Variants in DLGAP2 observed in about 807,000 individuals in gnomAD.
DLGAP2 encodes disks large-associated protein 2.
Under a neutral mutation model 100.3 loss-of-function variants are expected in DLGAP2, and 26 were observed. That is an observed-to-expected ratio of 0.26 (90% CI 0.19 to 0.36). DLGAP2 has a LOEUF of 0.36. Ranked by LOEUF, DLGAP2 falls within the 10% of genes least tolerant of loss-of-function variation. The pLI is 1.00. For synonymous variants in DLGAP2, 886 were observed against 630.1 expected (o/e 1.41, Z -6.08); for missense variants, 1,858 against 1,453.2 (o/e 1.28, Z -4.53).
intron 3 of DLGAP2, among the ~76,000 whole-genome samples, chr8:1,361,263 G>C (rs559857022): frequency 8.5e-5 from 13 of 152,314 alleles, no homozygotes; most frequent in African/African-American, 2.9e-4. Context: ...CAGAGATCCT[G>C]CTTCTCCAGT....
chr8:1,349,271 C>T (rs2012739), intron 3 of DLGAP2, among the ~76,000 whole-genome samples: 91,647 of 146,560 alleles, frequency 0.63, 29,391 homozygotes, highest in East Asian at 0.92. Context: ...GGCACTATCA[C>T]GAGCCTCCCG....
At chr8:922,852 A>G (rs1230086250) in intron 2 of DLGAP2, among the ~76,000 whole-genome samples, 1 of 152,212 alleles carries the variant, frequency 6.6e-6, no homozygotes, top group Middle Eastern at 3.2e-3. Context: ...GTTGGGGTTA[A>G]TGTGCAGGCA....
intron 8 of DLGAP2, among the ~76,000 whole-genome samples, chr8:1,659,635 G>T (rs1798364770): frequency 6.6e-6 from 1 of 152,106 alleles, no homozygotes; most frequent in Non-Finnish European, 1.5e-5. Flanking sequence ...TTGGCTTAAA[G>T]TCTGTTTTAT....
At chr8:1,683,856 A>ATATATGTGTG (rs1467438870) in intron 12 of DLGAP2, among the ~76,000 whole-genome samples, 12 of 62,228 alleles carry the variant, frequency 1.9e-4, no homozygotes, top group Non-Finnish European at 2.7e-4. Context: ...ATATATATAT[A>ATATATGTGTG]TGTGTGTGTG....
At chr8:1,514,527 G>T (rs1476991161) in intron 4 of DLGAP2, among the ~76,000 whole-genome samples, 3 of 152,260 alleles carry the variant, frequency 2.0e-5, no homozygotes, top group Non-Finnish European at 4.4e-5. Context: ...TAATATTTCA[G>T]TAAGAGCTAC....
rs138114735 is a variant in DLGAP2 at position 770,949 on chromosome 8, G to A, written c.18+33124G>A. ...CTTTTCTGTAGGGCAGGTTGATGTG[G>A]TCTTCTTAGTGTAAACAGGGGTCTT... On this transcript the variant is annotated intron_variant, in intron 1 of 14. Coordinates refer to ENST00000637795, the MANE Select transcript of DLGAP2 (RefSeq NM_001346810.2). Among the ~76,000 whole-genome samples the A allele has an allele frequency of 5.6e-3, 852 of 151,924 alleles. 14 individuals carry two copies. The highest frequency in any genetic ancestry group is 0.02 in the African/African-American group (818 of 41,388).
chr8:1,498,928 A>G (rs1431282379), intron 3 of DLGAP2, among the ~76,000 whole-genome samples: 1 of 152,178 alleles, frequency 6.6e-6, no homozygotes. Flanking sequence ...GCACTCGGAA[A>G]CCTTCCATGC....
At chr8:1,381,097 G>C (rs188782388) in intron 3 of DLGAP2, 2 of 151,966 alleles carry the variant, frequency 1.3e-5, no homozygotes, top group Admixed American at 6.6e-5. Context: ...TAAAGGTCAC[G>C]GCGCATGGTG....
At chr8:782,304 G>A (rs1821713420) in intron 1 of DLGAP2, among the ~76,000 whole-genome samples, 1 of 151,556 alleles carries the variant, frequency 6.6e-6, no homozygotes, top group Non-Finnish European at 1.5e-5. Flanking sequence ...TCTAATAACT[G>A]GTAGTATCTT....
chr8:1,433,177 G>T (rs75977613), intron 3 of DLGAP2, among the ~76,000 whole-genome samples: 1 of 152,184 alleles, frequency 6.6e-6, no homozygotes, highest in Non-Finnish European at 1.5e-5. Context: ...AGGAACGTGC[G>T]GGACTTGGGT....
In DLGAP2 at chr8:1,011,255, A is replaced by G. The variant is rs1375587905; in HGVS notation, c.73+103289A>G. 3.0e-3 allele frequency among the ~76,000 whole-genome samples: 280 copies of G among 93,842 alleles called. No individual in the cohort carries two copies. In the Middle Eastern group the frequency reaches 0.033, roughly 11 times the overall value. The allele number at this position is 93,842 out of a possible 152,430, so 61.6% of individuals were successfully genotyped here. ...GGTCTCAGTCTACACAGTGAGCCCTAGAATGAGGAGTCTCAGTCTACACAG... is the reference window on the plus strand; with the variant it reads ...GGTCTCAGTCTACACAGTGAGCCCTGGAATGAGGAGTCTCAGTCTACACAG... On this transcript the variant is annotated intron_variant, in intron 2 of 14. Transcript: ENST00000637795.
At chr8:1,313,068 A>T (rs1230278399) in intron 3 of DLGAP2, among the ~76,000 whole-genome samples, 4 of 152,194 alleles carry the variant, frequency 2.6e-5, no homozygotes, top group Non-Finnish European at 4.4e-5. Flanking sequence ...GTCTGTGCTG[A>T]CTGGTGTGTG....
intron 3 of DLGAP2, among the ~76,000 whole-genome samples, chr8:1,288,139 AGTAT>A (rs1356635142): frequency 1.5e-4 from 13 of 88,554 alleles, no homozygotes; most frequent in Admixed American, 2.8e-4. Flanking sequence ...GTTTCGGTTG[AGTAT>A]GTGTGTGTGT....
At chr8:1,646,696 G>A (rs751713994) in intron 8 of DLGAP2, among the ~76,000 whole-genome samples, 1 of 152,186 alleles carries the variant, frequency 6.6e-6, no homozygotes, top group Non-Finnish European at 1.5e-5. Context: ...CAGTGTCAAT[G>A]TGCTGTTTGA....
intron 8 of DLGAP2, among the ~76,000 whole-genome samples, chr8:1,636,182 C>G (rs879697870): frequency 6.6e-6 from 1 of 152,080 alleles, no homozygotes; most frequent in Admixed American, 6.5e-5. Context: ...GCATCTCACC[C>G]GATTTTTCTA....
intron 1 of DLGAP2, among the ~76,000 whole-genome samples, chr8:867,571 C>G (rs1391004866): frequency 6.6e-6 from 1 of 152,182 alleles, no homozygotes; most frequent in East Asian, 1.9e-4. Flanking sequence ...CTGGTGGTAG[C>G]ACGCTCTAGG....
chr8:1,325,521 A>G (rs1003972515), intron 3 of DLGAP2, among the ~76,000 whole-genome samples: 2 of 152,172 alleles, frequency 1.3e-5, no homozygotes, highest in African/African-American at 4.8e-5. Flanking sequence ...AAAACTTTGT[A>G]CGCATACATT....
At chr8:1,453,214 C>G (rs1798212057) in intron 3 of DLGAP2, among the ~76,000 whole-genome samples, 1 of 152,048 alleles carries the variant, frequency 6.6e-6, no homozygotes, top group African/African-American at 2.4e-5. Context: ...CTTAGGCACA[C>G]AGTTCTCGGA....
chr8:1,254,886 C>CGGGT (rs1376988723), intron 2 of DLGAP2, among the ~76,000 whole-genome samples: 1 of 151,462 alleles, frequency 6.6e-6, no homozygotes, highest in Non-Finnish European at 1.5e-5. Context: ...CTCTCCTGCC[C>CGGGT]GCGTGCTGTG....
Sources: allele counts gnomAD v4.1 joint callset (sites outside exome capture counted in the v4.1 genomes callset), GRCh38; gene constraint gnomAD v4.1.1; transcripts MANE v1.5; gene names NCBI Gene and HGNC (gene_info 2026-07-23, HGNC 2026-07-21).